The following PLXNA4 variants were observed in gnomAD, a reference collection of about 807,000 sequenced individuals.
The protein encoded by PLXNA4 is plexin A4.
Under a neutral mutation model 191.8 loss-of-function variants are expected in PLXNA4, and 44 were observed. That is an observed-to-expected ratio of 0.23 (90% CI 0.18 to 0.29). The LOEUF is 0.29. Ranked by LOEUF, PLXNA4 falls within the 10% of genes least tolerant of loss-of-function variation. The probability of loss-of-function intolerance (pLI) is 1.00; values close to 1 mark genes in which losing one functional copy is unlikely to be tolerated. For synonymous variants in PLXNA4, 1,082 were observed against 1,009.5 expected (o/e 1.07, Z -1.36); for missense variants, 1,800 against 2,488.8 (o/e 0.72, Z 5.89).
intron 1 of PLXNA4, among the ~76,000 whole-genome samples, chr7:132,646,815 A>C (rs1188271134): frequency 6.6e-6 from 1 of 152,148 alleles, no homozygotes; most frequent in African/African-American, 2.4e-5. Context: ...TGCCAGTTCC[A>C]CAGTCTCACA....
At chr7:132,509,081 G>T (rs1468753907) in intron 1 of PLXNA4, among the ~76,000 whole-genome samples, 1 of 150,864 alleles carries the variant, frequency 6.6e-6, no homozygotes, top group Non-Finnish European at 1.5e-5. Context: ...GCCTGAATTT[G>T]TGTCAGACAC....
At chr7:132,240,783 C>T (rs1798851173) in intron 5 of PLXNA4, among the ~76,000 whole-genome samples, 1 of 152,232 alleles carries the variant, frequency 6.6e-6, no homozygotes, top group South Asian at 2.1e-4. Flanking sequence ...TCCTCCAGCC[C>T]TCCAATGTAT....
intron 19 of PLXNA4, 132 bp downstream of exon 19, chr7:132,180,454 T>A (rs1383272873): frequency 7.2e-7 from 1 of 1,379,688 alleles, no homozygotes; most frequent in African/African-American, 1.4e-5. Context: ...AAGAAAGAAC[T>A]TGGGGTGTGG....
At chr7:132,301,362 T>C (rs1265247859) in intron 3 of PLXNA4, among the ~76,000 whole-genome samples, 2 of 152,192 alleles carry the variant, frequency 1.3e-5, no homozygotes, top group Non-Finnish European at 2.9e-5. Context: ...AGAGCTGTTA[T>C]TTATTGAGTG....
chr7:132,510,544 T>C (rs1283890357), intron 1 of PLXNA4, among the ~76,000 whole-genome samples: 1 of 152,044 alleles, frequency 6.6e-6, no homozygotes, highest in Non-Finnish European at 1.5e-5. Context: ...AACGAATGCG[T>C]AGTCAAATCA....
chr7:132,241,577 T>C (rs538866898), intron 4 of PLXNA4, among the ~76,000 whole-genome samples: 7 of 152,210 alleles, frequency 4.6e-5, no homozygotes, highest in Non-Finnish European at 8.8e-5. Flanking sequence ...TGGTTTCTCT[T>C]TTTCTGTAGT....
chr7:132,146,488 A>G, intron 28 of PLXNA4, 22 bp downstream of exon 28: 1 of 1,614,092 alleles, frequency 6.2e-7, no homozygotes, highest in African/African-American at 1.3e-5. Context: ...GGCTCCCTGC[A>G]CCCAGTTCTC....
chr7:132,143,568 G>T (rs548928114), intron 29 of PLXNA4, among the ~76,000 whole-genome samples: 2 of 152,258 alleles, frequency 1.3e-5, no homozygotes, highest in Admixed American at 1.3e-4. Flanking sequence ...ATTTCCTGAA[G>T]GCTGCTAACA....
intron 1 of PLXNA4, among the ~76,000 whole-genome samples, chr7:132,513,660 TTTTTGTTTTG>T (rs141114304): frequency 3.3e-5 from 5 of 150,564 alleles, no homozygotes; most frequent in Non-Finnish European, 5.9e-5. Flanking sequence ...TTTGTTTTAG[TTTTTGTTTTG>T]TTTTGTTTTG....
At chr7:132,231,565 C>T (rs769048698) in intron 5 of PLXNA4, among the ~76,000 whole-genome samples, 2 of 152,226 alleles carry the variant, frequency 1.3e-5, no homozygotes, top group African/African-American at 2.4e-5. Flanking sequence ...GCTGGGACTA[C>T]AGGCACACAC....
intron 4 of PLXNA4, among the ~76,000 whole-genome samples, chr7:132,280,631 A>G (rs960985420): frequency 6.6e-6 from 1 of 152,218 alleles, no homozygotes; most frequent in Non-Finnish European, 1.5e-5. Context: ...AGAAAAGACT[A>G]GAAGGCATTG....
intron 4 of PLXNA4, among the ~76,000 whole-genome samples, chr7:132,249,725 G>C (rs544968602): frequency 1.3e-5 from 2 of 152,318 alleles, no homozygotes; most frequent in South Asian, 4.2e-4. Flanking sequence ...GCCTGCCCTC[G>C]GGCCTGCCAG....
At chr7:132,191,420 G>A (rs1413026637) in intron 14 of PLXNA4, among the ~76,000 whole-genome samples, 1 of 152,194 alleles carries the variant, frequency 6.6e-6, no homozygotes, top group African/African-American at 2.4e-5. Flanking sequence ...GACAGCCTGG[G>A]TGGGCCAAGT....
At chr7:132,347,896 T>C (rs571646899) in intron 3 of PLXNA4, among the ~76,000 whole-genome samples, 10 of 152,318 alleles carry the variant, frequency 6.6e-5, no homozygotes, top group South Asian at 6.2e-4. Context: ...AGCGTGTTCA[T>C]TGTAACCAGA....
intron 3 of PLXNA4, among the ~76,000 whole-genome samples, chr7:132,451,836 T>C (rs1362288595): frequency 6.6e-6 from 1 of 152,194 alleles, no homozygotes; most frequent in Admixed American, 6.5e-5. Flanking sequence ...TGGGGCTGTG[T>C]GGGAAGGGCA....
Position 132,129,027 on chromosome 7 carries a change from C to T in PLXNA4, c.*1452G>A, listed in dbSNP as rs571210406. Reference sequence around the variant, plus strand: ...TATCAATTTCTAGGCACACATTTGCCTGCCTGGCTAAAATCGTGCATCTGT... The same window carrying T: ...TATCAATTTCTAGGCACACATTTGCTTGCCTGGCTAAAATCGTGCATCTGT... On this transcript the variant is annotated 3_prime_UTR_variant, in exon 32 of 32. Coordinates refer to ENST00000321063, the MANE Select transcript of PLXNA4 (RefSeq NM_020911.2). 3.3e-5 allele frequency: 5 copies of T among 152,366 alleles called. No individual in the cohort carries two copies. The highest frequency in any genetic ancestry group is 1.3e-4 in the Admixed American group (2 of 15,310). 9.4% of individuals were successfully genotyped at this position (152,366 alleles called of 1,614,324 possible). A position where few individuals can be genotyped will look rare whatever the true frequency, so the allele number is the denominator to read the frequency against.
At chr7:132,151,816 G>A (rs559126323) in intron 25 of PLXNA4, among the ~76,000 whole-genome samples, 75 of 152,278 alleles carry the variant, frequency 4.9e-4, no homozygotes, top group African/African-American at 1.7e-3. Flanking sequence ...AACCCAGAAT[G>A]GAGGAGAGAG....
intron 3 of PLXNA4, among the ~76,000 whole-genome samples, chr7:132,307,173 T>C (rs1461854843): frequency 3.9e-5 from 6 of 152,100 alleles, no homozygotes; most frequent in African/African-American, 1.4e-4. Context: ...ACCAAGGGCA[T>C]CTGAGAATAA....
At chr7:132,638,903 G>A (rs1803661697) in intron 2 of PLXNA4, among the ~76,000 whole-genome samples, 1 of 152,112 alleles carries the variant, frequency 6.6e-6, no homozygotes, top group African/African-American at 2.4e-5. Flanking sequence ...ATGACTCTGA[G>A]CCCCAGCCTG....
Sources: gnomAD v4.1 joint callset for allele counts (sites outside exome capture counted in the v4.1 genomes callset) on GRCh38, gnomAD v4.1.1 for gene constraint, MANE v1.5 for transcripts, NCBI Gene and HGNC (gene_info 2026-07-23, HGNC 2026-07-21) for gene names.